The following CCDC141 variants were observed in gnomAD, a reference collection of about 807,000 sequenced individuals.
CCDC141 encodes the protein coiled-coil domain containing 141.
CCDC141 carries 168 observed loss-of-function variants against 181.0 expected under a neutral mutation model. The observed-to-expected ratio is 0.93, with a 90% CI of 0.82 to 1.05. CCDC141 has a LOEUF of 1.05. Ranked by LOEUF, CCDC141 falls within the 50% of genes least tolerant of loss-of-function variation. The pLI is 0.00. For synonymous variants in CCDC141, 666 were observed against 642.3 expected (o/e 1.04, Z -0.56); for missense variants, 1,902 against 1,788.5 (o/e 1.06, Z -1.14).
chr2:178,837,907 G>A (rs1684559460), intron 22 of CCDC141, among the ~76,000 whole-genome samples, 163 bp from the exon 23 acceptor site: 2 of 152,156 alleles, frequency 1.3e-5, no homozygotes, highest in African/African-American at 4.8e-5. Context: ...TTTGTCTGTC[G>A]ATCCTGAGCA....
intron 2 of CCDC141, among the ~76,000 whole-genome samples, chr2:179,025,847 G>T (rs183398484): frequency 1.3e-5 from 2 of 152,206 alleles, no homozygotes; most frequent in African/African-American, 4.8e-5. Flanking sequence ...GGCTGAGGTG[G>T]TCTCAAATGG....
intron 2 of CCDC141, among the ~76,000 whole-genome samples, chr2:179,015,891 CTCATATATGTA>C (rs1168857458): frequency 1.3e-4 from 17 of 128,232 alleles, no homozygotes; most frequent in African/African-American, 5.7e-4. Context: ...TCATATATAT[CTCATATATGTA>C]TCATATATAT....
intron 6 of CCDC141, among the ~76,000 whole-genome samples, chr2:178,943,165 C>A (rs569943426): frequency 6.6e-6 from 1 of 151,962 alleles, no homozygotes; most frequent in Non-Finnish European, 1.5e-5. Context: ...GCATTTGGGG[C>A]TTTCGATAGA....
chr2:178,889,563 A>C (rs1030430510), intron 8 of CCDC141, among the ~76,000 whole-genome samples: 2 of 152,234 alleles, frequency 1.3e-5, no homozygotes, highest in Non-Finnish European at 2.9e-5. Context: ...TACAGGTTTC[A>C]GTCATTTTAC....
intron 2 of CCDC141, chr2:179,002,864 C>T (rs1226717375): frequency 1.3e-5 from 2 of 152,490 alleles, no homozygotes; most frequent in Non-Finnish European, 2.9e-5. Context: ...TGGGGTAAAG[C>T]TCCCAGGAAA....
At chr2:178,914,776 G>A (rs1688369106) in intron 7 of CCDC141, among the ~76,000 whole-genome samples, 5 of 152,134 alleles carry the variant, frequency 3.3e-5, no homozygotes, top group African/African-American at 1.2e-4. Flanking sequence ...TATCTAAAGA[G>A]AAGGGTAATT....
intron 8 of CCDC141, among the ~76,000 whole-genome samples, chr2:178,896,564 A>G (rs773216756): frequency 6.6e-6 from 1 of 152,232 alleles, no homozygotes; most frequent in Non-Finnish European, 1.5e-5. Context: ...TAGAAGCTAG[A>G]GTAAATTTTA....
At chr2:178,907,246 G>C (rs1688011817) in intron 7 of CCDC141, among the ~76,000 whole-genome samples, 1 of 152,206 alleles carries the variant, frequency 6.6e-6, no homozygotes, top group Non-Finnish European at 1.5e-5. Flanking sequence ...GAGGAAGTAA[G>C]AAATTATCCC....
At chr2:178,816,771 T>C in the CCDC141 span, among the ~76,000 whole-genome samples, 1 of 152,174 alleles carries the variant, frequency 6.6e-6, no homozygotes, top group African/African-American at 2.4e-5. Context: ...TTTACCATAA[T>C]AAAATAAGTA....
chr2:178,944,270 T>G (rs1424153677), intron 6 of CCDC141, among the ~76,000 whole-genome samples: 1 of 152,224 alleles, frequency 6.6e-6, no homozygotes, highest in African/African-American at 2.4e-5. Flanking sequence ...ATGGATCTCA[T>G]ATACATACTA....
At chr2:178,870,446 A>G (rs952297881) in intron 14 of CCDC141, among the ~76,000 whole-genome samples, 1 of 152,176 alleles carries the variant, frequency 6.6e-6, no homozygotes, top group Non-Finnish European at 1.5e-5. Context: ...AAGAGGTGTG[A>G]CAATGGTCCT....
chr2:178,878,134 G>T lies in CCDC141; in HGVS notation c.1729C>A (p.Gln577Lys). Residue 577 changes from glutamine to lysine, a missense_variant, in exon 12 of 24, where the codon CAG (glutamine) becomes AAG (lysine). Coordinates refer to ENST00000443758, the MANE Select transcript of CCDC141 (RefSeq NM_173648.4). ...TAAAATTCTTTTAAGCTCTGAAACTGCATCTCTACCTAAAAAAGAAAAAAG... is the reference window on the plus strand; with the variant it reads ...TAAAATTCTTTTAAGCTCTGAAACTTCATCTCTACCTAAAAAAGAAAAAAG... ...FLKSSEEVEM[Q>K]FQSLKEFYET... The T allele has an allele frequency of 6.3e-7, 1 of 1,595,554 alleles. No homozygotes were observed.
intron 2 of CCDC141, among the ~76,000 whole-genome samples, chr2:179,039,307 G>A (rs1301323523): frequency 6.6e-6 from 1 of 151,910 alleles, no homozygotes; most frequent in Non-Finnish European, 1.5e-5. Context: ...TTTTTCTTTA[G>A]TCTATCTAAA....
downstream of CCDC141, chr2:178,825,356 C>A (rs989050177): frequency 6.6e-6 from 1 of 152,188 alleles, no homozygotes; most frequent in African/African-American, 2.4e-5. Context: ...AGATGACCAA[C>A]TGGTAAATCA....
intron 6 of CCDC141, among the ~76,000 whole-genome samples, chr2:178,932,707 G>A (rs1047269046): frequency 5.3e-5 from 8 of 151,816 alleles, no homozygotes; most frequent in South Asian, 2.1e-4. Context: ...ACCCACATAC[G>A]GTGTGATTTT....
chr2:178,879,636 T>A (rs1686504732), intron 11 of CCDC141, among the ~76,000 whole-genome samples: 1 of 152,168 alleles, frequency 6.6e-6, no homozygotes, highest in African/African-American at 2.4e-5. Context: ...AAGAGAGCCA[T>A]AATCAAATTA....
chr2:178,835,574 T>C (rs548570131), intron 23 of CCDC141, among the ~76,000 whole-genome samples: 5 of 152,302 alleles, frequency 3.3e-5, no homozygotes, highest in Non-Finnish European at 7.4e-5. Context: ...ATGTATGATA[T>C]CCTGAAAGCT....
Position 178,999,046 on chromosome 2 carries a change from C to A in CCDC141, c.226-20371G>T, listed in dbSNP as rs553239549. Among the ~76,000 whole-genome samples the A allele has an allele frequency of 5.1e-4, 78 of 152,246 alleles. 3 individuals are homozygous for A. In the South Asian group the frequency reaches 0.015, roughly 29 times the overall value. On this transcript the variant is annotated intron_variant, in intron 2 of 23. Transcript: ENST00000443758. ...GGAATGGTGGAGAAAGTGTAGCGGT[C>A]ATTATTCAACACCCTCTTTCCAAGT...
At chr2:178,932,206 T>C (rs1456018312) in intron 6 of CCDC141, among the ~76,000 whole-genome samples, 2 of 152,016 alleles carry the variant, frequency 1.3e-5, no homozygotes, top group Non-Finnish European at 2.9e-5. Flanking sequence ...CACACAAAAC[T>C]GTTATATACA....
Sources: gnomAD v4.1 joint callset for allele counts (sites outside exome capture counted in the v4.1 genomes callset) on GRCh38, gnomAD v4.1.1 for gene constraint, MANE v1.5 for transcripts, NCBI Gene and HGNC (gene_info 2026-07-23, HGNC 2026-07-21) for gene names.